Variants in SCAF4 observed in about 807,000 individuals in gnomAD.
The protein encoded by SCAF4 is SR-related and CTD-associated factor 4.
In SCAF4, 25 loss-of-function variants were observed where a neutral mutation model predicts 129.8. That is an observed-to-expected ratio of 0.19 (90% CI 0.14 to 0.27). The LOEUF (loss-of-function observed/expected upper bound fraction) is 0.27. Among genes scored for constraint, SCAF4 ranks in the 10% least tolerant of loss-of-function variants. The pLI is 1.00. For synonymous variants in SCAF4, 551 were observed against 497.7 expected, an observed-to-expected ratio of 1.11 and a Z score of -1.43; for missense variants, 1,246 against 1,457.1, an observed-to-expected ratio of 0.86 and a Z score of 2.36.
chr21:31,703,732 G>T, intron 4 of SCAF4, 33 bp downstream of exon 4: 1 of 1,144,638 alleles, frequency 8.7e-7, no homozygotes, highest in Non-Finnish European at 1.2e-6. Context: ...ATTTTTTAAA[G>T]AATACAAGTT....
Position 31,703,893 on chromosome 21 carries a change from C to T in SCAF4, c.193G>A (p.Val65Ile). ...GACTGTCGCACAATTGAGTCAATTA[C>T]ATATAATCCCGGAACCTTGTATTCT... ...KPEYKVPGLY[V>I]IDSIVRQSRH... Residue 65 changes from valine (V) to isoleucine (I), a missense_variant, in exon 4 of 20, where the codon GTA (valine) becomes ATA (isoleucine). Physicochemically the swap from Val to Ile is conservative, Grantham distance 29. Transcript: ENST00000286835. 6.3e-7 allele frequency: 1 copy of T among 1,590,832 alleles called. No homozygotes were observed. The highest frequency in any genetic ancestry group is 8.6e-7 in the Non-Finnish European group (1 of 1,163,794).
chr21:31,709,878 T>C (rs889873280), intron 1 of SCAF4, among the ~76,000 whole-genome samples: 7 of 151,612 alleles, frequency 4.6e-5, no homozygotes, highest in African/African-American at 7.3e-5. Context: ...AAGGGTCATA[T>C]CTGTTTTAGA....
intron 1 of SCAF4, among the ~76,000 whole-genome samples, chr21:31,730,874 G>C (rs976189904): frequency 1.3e-5 from 2 of 152,202 alleles, no homozygotes; most frequent in Admixed American, 6.5e-5. Context: ...CTCGTAGAAG[G>C]GAGCCGAGGA....
Position 31,700,187 on chromosome 21 carries a change from C to T in SCAF4, c.777+808G>A, listed in dbSNP as rs2050489798. Among the ~76,000 whole-genome samples, 5 of 150,410 alleles carry T rather than the reference C, an allele frequency of 3.3e-5. No individual in the cohort carries two copies. In the South Asian group the frequency reaches 1.0e-3, roughly 31 times the overall value. ...AGGTTAAAATACACACACACTCACA[C>T]ACACACACACAAATAATATATAATT... is the stretch of plus-strand genomic sequence containing the variant. On this transcript the variant is annotated intron_variant, in intron 7 of 19. Transcript: ENST00000286835.
chr21:31,720,148 T>C (rs964820558), intron 1 of SCAF4, among the ~76,000 whole-genome samples: 8 of 152,212 alleles, frequency 5.3e-5, no homozygotes, highest in South Asian at 2.1e-4. Context: ...CAGTTGGCTA[T>C]TAAAACATTT....
chr21:31,728,957 C>T (rs571087073), intron 1 of SCAF4, among the ~76,000 whole-genome samples: 78 of 152,286 alleles, frequency 5.1e-4, no homozygotes, highest in Non-Finnish European at 1.0e-3. Context: ...GCTTATAAAC[C>T]TATCAGATGC....
intron 7 of SCAF4, among the ~76,000 whole-genome samples, chr21:31,700,104 G>A (rs1251681491): frequency 2.0e-5 from 3 of 151,720 alleles, no homozygotes; most frequent in Non-Finnish European, 4.4e-5. Context: ...AGGGCTACAG[G>A]TGCACACCAC....
At chr21:31,715,011 G>C (rs563481396) in intron 1 of SCAF4, among the ~76,000 whole-genome samples, 1 of 152,282 alleles carries the variant, frequency 6.6e-6, no homozygotes, top group South Asian at 2.1e-4. Context: ...ACTGTGAATT[G>C]GCTTTTGTAT....
chr21:31,700,526 T>C (rs2050499317), intron 7 of SCAF4, among the ~76,000 whole-genome samples: 1 of 152,004 alleles, frequency 6.6e-6, no homozygotes, highest in Admixed American at 6.6e-5. Flanking sequence ...TCAGTAAAAA[T>C]GTAGATCTAA....
At chr21:31,727,904 A>G (rs1177572081) in intron 1 of SCAF4, among the ~76,000 whole-genome samples, 1 of 136,586 alleles carries the variant, frequency 7.3e-6, no homozygotes, top group Non-Finnish European at 1.6e-5. Flanking sequence ...GCCATAATTG[A>G]TAACTGATAC....
At chr21:31,698,092 A>C (rs2050431300) in intron 7 of SCAF4, among the ~76,000 whole-genome samples, 1 of 152,216 alleles carries the variant, frequency 6.6e-6, no homozygotes. Context: ...AAAACCTATG[A>C]TCTTCACAGT....
intron 1 of SCAF4, among the ~76,000 whole-genome samples, chr21:31,724,102 T>C (rs1480610326): frequency 1.3e-5 from 2 of 152,192 alleles, no homozygotes; most frequent in Non-Finnish European, 1.5e-5. Context: ...TACTCAGCAA[T>C]GAAATGTAAT....
chr21:31,720,123 G>C (rs1281150459), intron 1 of SCAF4, among the ~76,000 whole-genome samples: 1 of 152,018 alleles, frequency 6.6e-6, no homozygotes, highest in Non-Finnish European at 1.5e-5. Context: ...TGAACTTCTG[G>C]TCTCCCTCCC....
intron 19 of SCAF4, among the ~76,000 whole-genome samples, chr21:31,682,149 G>A (rs2050009897): frequency 6.6e-6 from 1 of 152,092 alleles, no homozygotes; most frequent in Non-Finnish European, 1.5e-5. Context: ...AGTAGGCCAG[G>A]TGCGGTGGCT....
At chr21:31,698,660 CAAT>C (rs1568843824) in intron 7 of SCAF4, among the ~76,000 whole-genome samples, 1 of 152,168 alleles carries the variant, frequency 6.6e-6, no homozygotes, top group South Asian at 2.1e-4. Flanking sequence ...AGATTACTCT[CAAT>C]AATGAGTGGG....
At chr21:31,722,000 G>T (rs565691851) in intron 1 of SCAF4, among the ~76,000 whole-genome samples, 225 of 152,122 alleles carry the variant, frequency 1.5e-3, no homozygotes, top group African/African-American at 5.3e-3. Flanking sequence ...GATTACAGGC[G>T]TGAGCCACCA....
chr21:31,681,803 A>G (rs1190451021), intron 19 of SCAF4, among the ~76,000 whole-genome samples: 1 of 152,210 alleles, frequency 6.6e-6, no homozygotes, highest in African/African-American at 2.4e-5. Context: ...CCCGCACTTA[A>G]GTCTGATGAT....
At chr21:31,704,032 TTTTG>T (rs1160530971) in intron 3 of SCAF4, 106 bp from the exon 4 acceptor site, 20 of 652,514 alleles carry the variant, frequency 3.1e-5, no homozygotes, top group Non-Finnish European at 4.5e-5. Context: ...CAATGATTGC[TTTTG>T]TTTAAAAACT....
At position 31,694,168 on chromosome 21, in the gene SCAF4, T is replaced by C. The variant is rs12106445; in HGVS notation, c.1322+36A>G. ...ATTTTAATTTCTATGTCCCCTAAGA[T>C]ATACAGGGTTGGAAAAAACATTTTC... On this transcript the variant is annotated intron_variant, in intron 11 of 19. Transcript: ENST00000286835. The C allele has an allele frequency of 9.5e-3, 10,862 of 1,140,882 alleles. 751 individuals carry two copies. In the African/African-American group the frequency reaches 0.15, roughly 15 times the overall value. 70.7% of individuals were successfully genotyped at this position (1,140,882 alleles called of 1,614,324 possible). A position where few individuals can be genotyped will look rare whatever the true frequency, so the allele number is the denominator to read the frequency against.
Sources: allele counts gnomAD v4.1 joint callset (sites outside exome capture counted in the v4.1 genomes callset), GRCh38; gene constraint gnomAD v4.1.1; transcripts MANE v1.5; gene names NCBI Gene and HGNC (gene_info 2026-07-23, HGNC 2026-07-21).